The following GPR158 variants were observed in gnomAD, a reference collection of about 807,000 sequenced individuals.
GPR158 encodes metabotropic glycine receptor.
GPR158 carries 30 observed loss-of-function variants against 78.2 expected under a neutral mutation model. The observed-to-expected ratio is 0.38, with a 90% CI of 0.29 to 0.52. The LOEUF (loss-of-function observed/expected upper bound fraction) is 0.52, where lower values mean the gene tolerates loss of function less well. Among genes scored for constraint, GPR158 ranks in the 20% least tolerant of loss-of-function variants. GPR158 has a pLI of 0.83. For missense variants in GPR158, 1,463 were observed against 1,523.5 expected (o/e 0.96, Z 0.66); for synonymous variants, 581 against 591.1 (o/e 0.98, Z 0.25).
At chr10:25,502,800 A>T (rs1213225870) in intron 5 of GPR158, among the ~76,000 whole-genome samples, 1 of 152,184 alleles carries the variant, frequency 6.6e-6, no homozygotes, top group African/African-American at 2.4e-5. Flanking sequence ...CTGGGAATTT[A>T]TCACATTCCT....
At chr10:25,535,643 T>C (rs1238285255) in intron 5 of GPR158, among the ~76,000 whole-genome samples, 2 of 152,238 alleles carry the variant, frequency 1.3e-5, no homozygotes, top group Admixed American at 6.5e-5. Context: ...AGTATTGTTT[T>C]AAGCCAGCCA....
At chr10:25,561,264 T>TA (rs1021888088) in intron 6 of GPR158, among the ~76,000 whole-genome samples, 36 of 152,126 alleles carry the variant, frequency 2.4e-4, no homozygotes, top group African/African-American at 8.7e-4. Context: ...ACATTACATT[T>TA]AAAAAAATAA....
chr10:25,453,983 GAT>G (rs1208656295), intron 4 of GPR158, among the ~76,000 whole-genome samples: 1 of 152,092 alleles, frequency 6.6e-6, no homozygotes, highest in Non-Finnish European at 1.5e-5. Context: ...TTGGAATTTT[GAT>G]AGAGATTGCA....
chr10:25,474,723 G>T (rs148885629), intron 5 of GPR158, among the ~76,000 whole-genome samples: 1 of 152,070 alleles, frequency 6.6e-6, no homozygotes, highest in Admixed American at 6.6e-5. Context: ...GCCTGTCACC[G>T]TAGTAGAAGC....
intron 2 of GPR158, among the ~76,000 whole-genome samples, chr10:25,229,720 A>C (rs1853423206): frequency 1.3e-5 from 2 of 152,212 alleles, no homozygotes; most frequent in African/African-American, 4.8e-5. Context: ...AGATGAATTC[A>C]TTTAGGATTA....
intron 2 of GPR158, among the ~76,000 whole-genome samples, chr10:25,231,018 G>A (rs1272189431): frequency 1.3e-5 from 2 of 152,332 alleles, no homozygotes; most frequent in South Asian, 4.1e-4. Context: ...ACTAAAAGAT[G>A]TTTCCATCCG....
At chr10:25,536,731 C>T (rs1836506153) in intron 5 of GPR158, among the ~76,000 whole-genome samples, 1 of 152,150 alleles carries the variant, frequency 6.6e-6, no homozygotes, top group Non-Finnish European at 1.5e-5. Flanking sequence ...CCATTATATG[C>T]ACAGATTAAA....
chr10:25,557,459 A>C (rs945003909), intron 6 of GPR158, among the ~76,000 whole-genome samples: 22 of 152,170 alleles, frequency 1.4e-4, no homozygotes, highest in African/African-American at 5.3e-4. Flanking sequence ...TAAGCTCCAA[A>C]GAGTCACTCT....
intron 4 of GPR158, among the ~76,000 whole-genome samples, chr10:25,424,686 A>T (rs1274095698): frequency 4.0e-5 from 6 of 151,728 alleles, no homozygotes; most frequent in African/African-American, 9.7e-5. Flanking sequence ...CAAAGATCAG[A>T]TGGTTGTAGA....
intron 1 of GPR158, among the ~76,000 whole-genome samples, chr10:25,186,136 G>A (rs1272662008): frequency 1.3e-5 from 2 of 152,150 alleles, no homozygotes; most frequent in East Asian, 1.9e-4. Flanking sequence ...GGTACATAAC[G>A]AAATGAAGGC....
At chr10:25,419,406 A>G (rs930213386) in intron 4 of GPR158, among the ~76,000 whole-genome samples, 4 of 152,140 alleles carry the variant, frequency 2.6e-5, no homozygotes, top group Non-Finnish European at 5.9e-5. Context: ...GTTGATGGCC[A>G]TTTGAGTTGT....
intron 4 of GPR158, among the ~76,000 whole-genome samples, chr10:25,412,745 A>G (rs1432967885): frequency 1.3e-5 from 2 of 152,122 alleles, no homozygotes; most frequent in African/African-American, 4.8e-5. Context: ...CCTTTACATC[A>G]TGTCTTTGGC....
At chr10:25,389,155 C>T (rs1834260135) in intron 2 of GPR158, among the ~76,000 whole-genome samples, 1 of 152,158 alleles carries the variant, frequency 6.6e-6, no homozygotes, top group African/African-American at 2.4e-5. Context: ...AGTGAAGCCC[C>T]ACCTTCAGAC....
intron 2 of GPR158, among the ~76,000 whole-genome samples, chr10:25,369,899 A>G (rs374878155): frequency 6.6e-6 from 1 of 151,362 alleles, no homozygotes; most frequent in African/African-American, 2.4e-5. Flanking sequence ...GTCTTGGGAG[A>G]GTGTATGTGT....
In GPR158 at chr10:25,420,801, T is replaced by C. The variant is rs1217360634; in HGVS notation, c.1335+8328T>C. On this transcript the variant is annotated intron_variant, in intron 4 of 10. Coordinates refer to ENST00000376351, the MANE Select transcript of GPR158 (RefSeq NM_020752.3). ...TATGTTAAGGTGTATTTCTGGGCTT[T>C]TTACTCTATTCCGTTGGTCTGTGTG... Among the ~76,000 whole-genome samples, 3 of 152,208 alleles carry C rather than the reference T, an allele frequency of 2.0e-5. No homozygotes were observed. The East Asian group carries it at 5.8e-4, about 29-fold the overall frequency.
At chr10:25,378,794 T>C (rs531184874) in intron 2 of GPR158, among the ~76,000 whole-genome samples, 43 of 151,952 alleles carry the variant, frequency 2.8e-4, no homozygotes, top group African/African-American at 1.0e-3. Flanking sequence ...TTTATTTTTA[T>C]TTTTATTTTT....
chr10:25,512,980 G>A (rs568900712), intron 5 of GPR158, among the ~76,000 whole-genome samples: 33 of 152,130 alleles, frequency 2.2e-4, no homozygotes, highest in Admixed American at 1.7e-3. Context: ...AGGGATATTT[G>A]TCTGTAGTTT....
chr10:25,527,678 AC>A (rs1232077566), intron 5 of GPR158, among the ~76,000 whole-genome samples: 1 of 152,076 alleles, frequency 6.6e-6, no homozygotes, highest in African/African-American at 2.4e-5. Context: ...AACAAATCAA[AC>A]CCCAAACAAG....
chr10:25,535,466 G>A (rs1403118333), intron 5 of GPR158, among the ~76,000 whole-genome samples: 1 of 152,170 alleles, frequency 6.6e-6, no homozygotes, highest in Non-Finnish European at 1.5e-5. Context: ...CCCTCAGGGA[G>A]GCAAATGCTG....
Sources: gnomAD v4.1 joint callset for allele counts (sites outside exome capture counted in the v4.1 genomes callset) on GRCh38, gnomAD v4.1.1 for gene constraint, MANE v1.5 for transcripts, NCBI Gene and HGNC (gene_info 2026-07-23, HGNC 2026-07-21) for gene names.